Variants in MSTO1 observed in about 807,000 individuals in gnomAD.
MSTO1 encodes the protein misato mitochondrial distribution and morphology regulator 1.
In MSTO1, 24 loss-of-function variants were observed where a neutral mutation model predicts 55.7. The observed-to-expected ratio is 0.43, with a 90% CI of 0.31 to 0.61. The LOEUF is 0.61. Among genes scored for constraint, MSTO1 ranks in the 20% least tolerant of loss-of-function variants. The probability of loss-of-function intolerance (pLI) is 0.09; values close to 1 mark genes in which losing one functional copy is unlikely to be tolerated. For synonymous variants in MSTO1, 162 were observed against 252.8 expected, an observed-to-expected ratio of 0.64 and a Z score of 3.41; for missense variants, 363 against 625.7, an observed-to-expected ratio of 0.58 and a Z score of 4.48.
At chr1:155,579,865 T>C in the MSTO1 span, among the ~76,000 whole-genome samples, 1 of 151,704 alleles carries the variant, frequency 6.6e-6, no homozygotes, top group Non-Finnish European at 1.5e-5. Flanking sequence ...TCACTTGAGG[T>C]TGAGGAGTTT....
upstream of MSTO1, among the ~76,000 whole-genome samples, chr1:155,609,244 T>TATATATATATATATATATATA (rs1553289697): frequency 4.0e-4 from 6 of 15,076 alleles, 1 homozygote; most frequent in East Asian, 9.3e-3. Context: ...TATATATATA[T>TATATATATATATATATATATA]TTTTTTTTTT....
chr1:155,569,604 A>AT, the MSTO1 span, among the ~76,000 whole-genome samples: 1 of 151,364 alleles, frequency 6.6e-6, no homozygotes, highest in Non-Finnish European at 1.5e-5. Flanking sequence ...CGCCTGACTA[A>AT]TTTTTTGTAT....
chr1:155,578,299 G>A, the MSTO1 span, among the ~76,000 whole-genome samples: 4 of 150,902 alleles, frequency 2.7e-5, no homozygotes, highest in Admixed American at 2.7e-4. Flanking sequence ...AGCATTTATG[G>A]GGGAGGGGTG....
At chr1:155,592,772 C>T in the MSTO1 span, among the ~76,000 whole-genome samples, 1 of 152,148 alleles carries the variant, frequency 6.6e-6, no homozygotes, top group African/African-American at 2.4e-5. Flanking sequence ...CCAGGCTGGT[C>T]TCGAACTCCT....
At chr1:155,582,025 G>A in the MSTO1 span, among the ~76,000 whole-genome samples, 4 of 150,042 alleles carry the variant, frequency 2.7e-5, no homozygotes, top group African/African-American at 9.8e-5. Context: ...GCATGATCTC[G>A]GCTCACCGCA....
At chr1:155,598,045 TG>T in the MSTO1 span, among the ~76,000 whole-genome samples, 1 of 152,096 alleles carries the variant, frequency 6.6e-6, no homozygotes, top group Non-Finnish European at 1.5e-5. Context: ...CTCAAACTCC[TG>T]ACCTCAGATG....
chr1:155,563,749 A>G, the MSTO1 span: 1 of 359,134 alleles, frequency 2.8e-6, no homozygotes, highest in Non-Finnish European at 5.5e-6. Flanking sequence ...AAATTAGGCA[A>G]CTCCAAACAT....
In MSTO1 at chr1:155,612,224, G is replaced by T. The variant is rs750248785; in HGVS notation, c.721G>T (p.Val241Leu). 15 of 1,610,254 alleles carry T rather than the reference G, an allele frequency of 9.3e-6. No homozygotes were observed. The South Asian group carries it at 9.9e-5, about 11-fold the overall frequency. ...LCDLHDGFSG[V>L]GAKAAELLQD... Reference sequence around the variant, plus strand: ...TGACCTGCACGATGGCTTCTCTGGGGTAGGCGCGAAGGCGGCAGAGCTGCT... The same window carrying T: ...TGACCTGCACGATGGCTTCTCTGGGTTAGGCGCGAAGGCGGCAGAGCTGCT... The change falls in exon 8 of 14, where the codon GTA (valine) becomes TTA (leucine). Residue 241 changes from valine to leucine, a missense_variant. Coordinates refer to ENST00000245564, the MANE Select transcript of MSTO1 (RefSeq NM_018116.4).
chr1:155,594,617 T>TTC, the MSTO1 span, among the ~76,000 whole-genome samples: 2 of 151,814 alleles, frequency 1.3e-5, no homozygotes, highest in Non-Finnish European at 2.9e-5. Context: ...TAAGCCGTGT[T>TTC]TCTCTCTCTC....
the MSTO1 span, among the ~76,000 whole-genome samples, chr1:155,577,938 T>C: frequency 6.6e-6 from 1 of 151,980 alleles, no homozygotes; most frequent in Non-Finnish European, 1.5e-5. Context: ...AGAGACGGAG[T>C]TTCACCCTGT....
chr1:155,573,328 C>G, the MSTO1 span, among the ~76,000 whole-genome samples: 2 of 152,094 alleles, frequency 1.3e-5, no homozygotes, highest in African/African-American at 4.8e-5. Flanking sequence ...TTTGAGAGGC[C>G]AAGGCAGGTG....
At chr1:155,572,217 C>A in the MSTO1 span, among the ~76,000 whole-genome samples, 1 of 152,180 alleles carries the variant, frequency 6.6e-6, no homozygotes, top group Admixed American at 6.5e-5. Context: ...TCTACTCACT[C>A]GATGCCAATA....
chr1:155,590,519 G>T, the MSTO1 span: 2 of 685,584 alleles, frequency 2.9e-6, no homozygotes, highest in Admixed American at 5.3e-5. Context: ...AGAAACAAAA[G>T]ATATGAACCC....
the MSTO1 span, among the ~76,000 whole-genome samples, chr1:155,565,857 T>C: frequency 2.6e-5 from 4 of 152,208 alleles, no homozygotes; most frequent in Admixed American, 2.0e-4. Flanking sequence ...CTGAATTATT[T>C]GAACCAATGA....
chr1:155,612,362 G>C (rs2148991161), intron 8 of MSTO1, 46 bp downstream of exon 8: 1 of 1,581,188 alleles, frequency 6.3e-7, no homozygotes. Context: ...TGGGGAGGGA[G>C]AAATCAGAAT....
At chr1:155,575,241 C>G in the MSTO1 span, among the ~76,000 whole-genome samples, 2 of 151,606 alleles carry the variant, frequency 1.3e-5, no homozygotes, top group Non-Finnish European at 2.9e-5. Flanking sequence ...AGAGAGAATC[C>G]CAGTTTTTCC....
At chr1:155,586,023 C>G in the MSTO1 span, among the ~76,000 whole-genome samples, 1 of 152,064 alleles carries the variant, frequency 6.6e-6, no homozygotes, top group African/African-American at 2.4e-5. Context: ...GTAATTTGTT[C>G]TTTGTATTGC....
At chr1:155,579,321 GCAAACAAACAAA>G in the MSTO1 span, among the ~76,000 whole-genome samples, 114 of 151,070 alleles carry the variant, frequency 7.5e-4, 1 homozygote, top group Admixed American at 4.1e-3. Flanking sequence ...CTCAAAACAA[GCAAACAAACAAA>G]CAAACAAACA....
chr1:155,571,630 T>C, the MSTO1 span, among the ~76,000 whole-genome samples: 3 of 152,202 alleles, frequency 2.0e-5, no homozygotes, highest in Non-Finnish European at 4.4e-5. Flanking sequence ...TTCAGAACTC[T>C]TTTACTTTTA....
Sources: allele counts gnomAD v4.1 joint callset (sites outside exome capture counted in the v4.1 genomes callset), GRCh38; gene constraint gnomAD v4.1.1; transcripts MANE v1.5; gene names NCBI Gene and HGNC (gene_info 2026-07-23, HGNC 2026-07-21).